The following MACROD2 variants were observed in gnomAD, a reference collection of about 807,000 sequenced individuals.
MACROD2 encodes mono-ADP ribosylhydrolase 2.
Under a neutral mutation model 70.4 loss-of-function variants are expected in MACROD2, and 36 were observed. The ratio of observed to expected loss-of-function variants is 0.51; its 90% CI spans 0.39 to 0.68. The LOEUF (loss-of-function observed/expected upper bound fraction) is 0.68, where lower values mean the gene tolerates loss of function less well. Among genes scored for constraint, MACROD2 ranks in the 30% least tolerant of loss-of-function variants. The pLI is 0.00. For missense variants in MACROD2, 496 were observed against 538.4 expected, an observed-to-expected ratio of 0.92 and a Z score of 0.78; for synonymous variants, 172 against 178.8, an observed-to-expected ratio of 0.96 and a Z score of 0.30.
chr20:15,015,469 A>G (rs932890078), intron 5 of MACROD2, among the ~76,000 whole-genome samples: 4 of 148,882 alleles, frequency 2.7e-5, no homozygotes, highest in Non-Finnish European at 4.5e-5. Context: ...TCTCCTAACT[A>G]TGTGTGTTTT....
intron 3 of MACROD2, among the ~76,000 whole-genome samples, chr20:14,393,585 T>A (rs1183846985): frequency 6.6e-6 from 1 of 152,004 alleles, no homozygotes; most frequent in Admixed American, 6.6e-5. Context: ...CCCTCATTCC[T>A]CCCTTTCTTT....
At chr20:14,533,826 G>A (rs934403879) in intron 4 of MACROD2, among the ~76,000 whole-genome samples, 4 of 152,138 alleles carry the variant, frequency 2.6e-5, no homozygotes, top group Admixed American at 6.5e-5. Context: ...GAATTTGAGA[G>A]CCTTCTTACC....
At chr20:15,628,015 A>G (rs2049231828) in intron 8 of MACROD2, among the ~76,000 whole-genome samples, 1 of 152,158 alleles carries the variant, frequency 6.6e-6, no homozygotes, top group Non-Finnish European at 1.5e-5. Context: ...GAAAGAGCAG[A>G]AGTTGGGAAG....
intron 10 of MACROD2, among the ~76,000 whole-genome samples, chr20:15,915,077 C>T (rs773636369): frequency 6.6e-6 from 1 of 152,192 alleles, no homozygotes; most frequent in East Asian, 1.9e-4. Flanking sequence ...TCAGTGCATT[C>T]ATCAACATGG....
intron 6 of MACROD2, among the ~76,000 whole-genome samples, chr20:15,262,467 C>T (rs1163435373): frequency 6.6e-6 from 1 of 151,988 alleles, no homozygotes; most frequent in Non-Finnish European, 1.5e-5. Flanking sequence ...ACTTAGGTTG[C>T]TTCCACATCT....
intron 1 of MACROD2, among the ~76,000 whole-genome samples, chr20:13,999,022 C>CT (rs375486579): frequency 2.6e-5 from 4 of 151,878 alleles, no homozygotes; most frequent in African/African-American, 7.3e-5. Flanking sequence ...CTAACATCCT[C>CT]TTGCATAGTC....
At chr20:15,896,395 A>G (rs1258827427) in intron 10 of MACROD2, among the ~76,000 whole-genome samples, 2 of 152,204 alleles carry the variant, frequency 1.3e-5, no homozygotes, top group South Asian at 2.1e-4. Flanking sequence ...ATATATAGTC[A>G]TAATAACTGT....
At chr20:15,226,877 A>T (rs1442116968) in intron 5 of MACROD2, among the ~76,000 whole-genome samples, 3 of 152,140 alleles carry the variant, frequency 2.0e-5, no homozygotes, top group African/African-American at 7.2e-5. Flanking sequence ...GCACTTGATG[A>T]CTAAGGGGCT....
chr20:14,965,453 CTTTT>C (rs532870999), intron 5 of MACROD2, among the ~76,000 whole-genome samples: 1,093 of 67,740 alleles, frequency 0.016, 4 homozygotes, highest in African/African-American at 0.058. Flanking sequence ...ATTTTTTTTT[CTTTT>C]TTTTTTTTTT....
intron 3 of MACROD2, among the ~76,000 whole-genome samples, chr20:14,425,163 C>G (rs1052801137): frequency 1.3e-5 from 2 of 152,162 alleles, no homozygotes; most frequent in Non-Finnish European, 2.9e-5. Context: ...CTCTTTCACC[C>G]AGTGTTAGCT....
intron 5 of MACROD2, among the ~76,000 whole-genome samples, chr20:14,822,380 T>C (rs1018423007): frequency 6.6e-6 from 1 of 152,110 alleles, no homozygotes; most frequent in African/African-American, 2.4e-5. Context: ...GTATCATTTG[T>C]ATAATATTCT....
At chr20:15,507,373 C>A (rs1568856130) in intron 8 of MACROD2, among the ~76,000 whole-genome samples, 3 of 114,630 alleles carry the variant, frequency 2.6e-5, no homozygotes, top group Non-Finnish European at 5.5e-5. Flanking sequence ...TTCTTTCTTT[C>A]TCCTTCCTTC....
intron 2 of MACROD2, among the ~76,000 whole-genome samples, chr20:14,031,418 C>G (rs2053245526): frequency 6.6e-6 from 1 of 152,098 alleles, no homozygotes; most frequent in African/African-American, 2.4e-5. Context: ...ATGTTAGCAA[C>G]TTGAGACTCA....
intron 3 of MACROD2, among the ~76,000 whole-genome samples, chr20:14,223,658 C>T (rs962295943): frequency 1.1e-4 from 17 of 152,038 alleles, no homozygotes; most frequent in Admixed American, 3.9e-4. Context: ...CAGACGCCCG[C>T]CACCATGCCC....
chr20:14,661,424 T>G (rs1376153245), intron 4 of MACROD2, among the ~76,000 whole-genome samples: 2 of 152,214 alleles, frequency 1.3e-5, no homozygotes, highest in Non-Finnish European at 2.9e-5. Flanking sequence ...TTGAGTTGTT[T>G]AAGTTCCTTA....
chr20:15,577,919 A>G lies in MACROD2; in HGVS notation c.645+78072A>G, dbSNP rs529644779. 2.0e-5 allele frequency among the ~76,000 whole-genome samples: 3 copies of G among 152,330 alleles called. No homozygotes were observed. The East Asian group carries it at 5.8e-4, about 29-fold the overall frequency. The stretch of plus-strand genomic sequence containing the variant: ...AATAACATTTAAATTATCACTGAAT[A>G]TAAGGTCAGTTACCTTTAGATATTA... On this transcript the variant is annotated intron_variant, in intron 8 of 17. Transcript: ENST00000684519.
intron 3 of MACROD2, among the ~76,000 whole-genome samples, chr20:14,212,851 A>G (rs1354133383): frequency 1.3e-5 from 2 of 151,740 alleles, no homozygotes; most frequent in African/African-American, 2.4e-5. Flanking sequence ...CAATAGAGGA[A>G]GGTTTGTTCC....
At chr20:14,914,508 A>C (rs1238365450) in intron 5 of MACROD2, among the ~76,000 whole-genome samples, 1 of 152,182 alleles carries the variant, frequency 6.6e-6, no homozygotes, top group African/African-American at 2.4e-5. Context: ...GAAATAAAGC[A>C]TTGTCCCAAG....
At chr20:14,340,877 A>C (rs2083006145) in intron 3 of MACROD2, among the ~76,000 whole-genome samples, 1 of 152,174 alleles carries the variant, frequency 6.6e-6, no homozygotes, top group Non-Finnish European at 1.5e-5. Flanking sequence ...TTTTATGAGA[A>C]AATGTGAGAT....
Sources: gnomAD v4.1 joint callset for allele counts (sites outside exome capture counted in the v4.1 genomes callset) on GRCh38, gnomAD v4.1.1 for gene constraint, MANE v1.5 for transcripts, NCBI Gene and HGNC (gene_info 2026-07-23, HGNC 2026-07-21) for gene names.